COLEC10: variants seen among roughly 807,000 people sequenced by gnomAD.
COLEC10 encodes collectin subfamily member 10.
In COLEC10, 22 loss-of-function variants were observed where a neutral mutation model predicts 28.4. The observed-to-expected ratio is 0.78, with a 90% CI of 0.55 to 1.11. COLEC10 has a LOEUF of 1.11. Among genes scored for constraint, COLEC10 ranks in the 50% least tolerant of loss-of-function variants. The pLI is 0.00. For synonymous variants in COLEC10, 125 were observed against 116.1 expected, an observed-to-expected ratio of 1.08 and a Z score of -0.49; for missense variants, 361 against 344.1, an observed-to-expected ratio of 1.05 and a Z score of -0.39.
In COLEC10 at chr8:119,070,475, CT is replaced by C. The variant is rs751920041; in HGVS notation, c.148+3047del. On this transcript the variant is annotated intron_variant, in intron 1 of 5. Coordinates refer to ENST00000332843, the MANE Select transcript of COLEC10 (RefSeq NM_006438.5). ...TCTCTCTCTCTCTCTCTCTCTCTCT[CT>C]CCTTCCCCCTCCTTCCCTCCCTCTC... 6.6e-4 allele frequency among the ~76,000 whole-genome samples: 79 copies of C among 119,520 alleles called. 1 individual carries two copies. The highest frequency in any genetic ancestry group is 1.6e-3 in the South Asian group (5 of 3,032). 78.4% of individuals were successfully genotyped at this position (119,520 alleles called of 152,430 possible). A position where few individuals can be genotyped will look rare whatever the true frequency, so the allele number is the denominator to read the frequency against.
At chr8:119,053,687 G>GT (rs1554625992) in intron 2 of COLEC10, among the ~76,000 whole-genome samples, 1 of 38,530 alleles carries the variant, frequency 2.6e-5, no homozygotes, top group African/African-American at 2.2e-4. Flanking sequence ...AAAAAAAGGT[G>GT]GGGGGGGCTT....
upstream of COLEC10, among the ~76,000 whole-genome samples, chr8:119,066,565 G>A (rs551612153): frequency 1.1e-4 from 17 of 152,226 alleles, no homozygotes; most frequent in South Asian, 1.7e-3. Context: ...AAGGCCTTTC[G>A]CCTTTCTGCC....
intron 2 of COLEC10, among the ~76,000 whole-genome samples, chr8:119,090,890 T>C (rs938804603): frequency 6.6e-6 from 1 of 152,210 alleles, no homozygotes; most frequent in African/African-American, 2.4e-5. Context: ...TCCTCTGCCA[T>C]AGTCATTCTA....
At chr8:119,022,122 GA>G (rs937999181) in intron 2 of COLEC10, among the ~76,000 whole-genome samples, 19 of 151,760 alleles carry the variant, frequency 1.3e-4, no homozygotes, top group Admixed American at 2.0e-4. Context: ...TGATATTTTA[GA>G]AAAAAAATGA....
At chr8:118,995,270 T>A (rs1182590246), upstream of COLEC10, among the ~76,000 whole-genome samples, 1 of 152,162 alleles carries the variant, frequency 6.6e-6, no homozygotes, top group Non-Finnish European at 1.5e-5. Context: ...CCTGAGACAG[T>A]TTAGTGGTCT....
chr8:119,023,187 C>T (rs768450091), intron 2 of COLEC10, among the ~76,000 whole-genome samples: 2 of 152,074 alleles, frequency 1.3e-5, no homozygotes, highest in Non-Finnish European at 2.9e-5. Flanking sequence ...CTTGTCTATT[C>T]TTTTCTGTAG....
At chr8:118,998,165 G>T (rs1007520871) in intron 1 of COLEC10, among the ~76,000 whole-genome samples, 1 of 76,576 alleles carries the variant, frequency 1.3e-5, no homozygotes, top group African/African-American at 1.6e-4. Flanking sequence ...AAAATGAAAT[G>T]AGAAAAAAAT....
intron 1 of COLEC10, among the ~76,000 whole-genome samples, chr8:118,995,887 G>A (rs1376426656): frequency 6.6e-6 from 1 of 151,142 alleles, no homozygotes; most frequent in Admixed American, 6.6e-5. Flanking sequence ...TTTTAATTGT[G>A]GTAAGAATAT....
At chr8:118,953,422 G>A in the COLEC10 span, among the ~76,000 whole-genome samples, 2 of 152,144 alleles carry the variant, frequency 1.3e-5, no homozygotes, top group Non-Finnish European at 2.9e-5. Flanking sequence ...CAGTATTATT[G>A]TTTTTGTTAG....
intron 1 of COLEC10, among the ~76,000 whole-genome samples, chr8:119,073,641 G>A (rs1478965636): frequency 6.6e-6 from 1 of 151,756 alleles, no homozygotes; most frequent in Non-Finnish European, 1.5e-5. Flanking sequence ...TAGATACTAA[G>A]AAGGCATTTC....
chr8:119,069,629 A>AAAAATATAT (rs1554627284), intron 1 of COLEC10, among the ~76,000 whole-genome samples: 1 of 42,874 alleles, frequency 2.3e-5, no homozygotes, highest in Non-Finnish European at 4.4e-5. Flanking sequence ...AAAAAAAAAA[A>AAAAATATAT]ATATATATAT....
At chr8:118,963,228 G>C in the COLEC10 span, among the ~76,000 whole-genome samples, 1 of 152,160 alleles carries the variant, frequency 6.6e-6, no homozygotes, top group African/African-American at 2.4e-5. Flanking sequence ...ATTAAGTTTA[G>C]TATTTCGCAT....
chr8:119,025,149 T>C (rs892315576), intron 2 of COLEC10, among the ~76,000 whole-genome samples: 1 of 152,202 alleles, frequency 6.6e-6, no homozygotes, highest in Non-Finnish European at 1.5e-5. Flanking sequence ...AATGTTGAAA[T>C]TGACTGCAAG....
chr8:118,952,668 G>A, the COLEC10 span, among the ~76,000 whole-genome samples: 4 of 152,198 alleles, frequency 2.6e-5, no homozygotes, highest in Non-Finnish European at 5.9e-5. Context: ...TAACCTTGCG[G>A]AGCACTGTTC....
intron 2 of COLEC10, among the ~76,000 whole-genome samples, chr8:119,046,822 G>A (rs1444922787): frequency 1.3e-5 from 2 of 152,152 alleles, no homozygotes; most frequent in East Asian, 1.9e-4. Context: ...TTCCAGCATG[G>A]TGTTGCCTAT....
chr8:119,075,991 C>T (rs2130244462), intron 1 of COLEC10, among the ~76,000 whole-genome samples: 1 of 146,014 alleles, frequency 6.8e-6, no homozygotes, highest in East Asian at 2.0e-4. Flanking sequence ...AGCTCCGCCT[C>T]CTGGGTTCAT....
chr8:119,080,065 T>C (rs1009962399), intron 1 of COLEC10, among the ~76,000 whole-genome samples: 1 of 152,172 alleles, frequency 6.6e-6, no homozygotes, highest in African/African-American at 2.4e-5. Flanking sequence ...ATCTTGTCAT[T>C]TGGGGAGAAA....
chr8:119,015,054 C>T (rs1223604397), intron 2 of COLEC10, among the ~76,000 whole-genome samples: 3 of 151,114 alleles, frequency 2.0e-5, no homozygotes, highest in Non-Finnish European at 4.4e-5. Context: ...TTCAATATCC[C>T]TGCCATATCT....
chr8:118,955,413 G>C, the COLEC10 span, among the ~76,000 whole-genome samples: 1 of 152,208 alleles, frequency 6.6e-6, no homozygotes, highest in African/African-American at 2.4e-5. Flanking sequence ...GAGGTCACCA[G>C]TTGTTTAAGG....
Sources: allele counts gnomAD v4.1 joint callset (sites outside exome capture counted in the v4.1 genomes callset), GRCh38; gene constraint gnomAD v4.1.1; transcripts MANE v1.5; gene names NCBI Gene and HGNC (gene_info 2026-07-23, HGNC 2026-07-21).